The following GRM5 variants were observed in gnomAD, a reference collection of about 807,000 sequenced individuals.
GRM5 encodes metabotropic glutamate receptor 5.
Under a neutral mutation model 83.1 loss-of-function variants are expected in GRM5, and 19 were observed. The ratio of observed to expected loss-of-function variants is 0.23; its 90% CI spans 0.16 to 0.34. The LOEUF (loss-of-function observed/expected upper bound fraction) is 0.34, where lower values mean the gene tolerates loss of function less well. GRM5 is among the 10% of genes least tolerant of loss of function. The pLI is 1.00. For missense variants in GRM5, 1,160 were observed against 1,588.3 expected (o/e 0.73, Z 4.58); for synonymous variants, 675 against 633.6 (o/e 1.07, Z -0.98).
At chr11:88,722,248 TC>T (rs1411826905) in intron 3 of GRM5, among the ~76,000 whole-genome samples, 1 of 152,096 alleles carries the variant, frequency 6.6e-6, no homozygotes, top group African/African-American at 2.4e-5. Context: ...GTTAAACCAC[TC>T]CTCTAAAACT....
At chr11:88,570,756 A>T (rs904387301) in intron 7 of GRM5, among the ~76,000 whole-genome samples, 4 of 150,384 alleles carry the variant, frequency 2.7e-5, no homozygotes, top group African/African-American at 9.8e-5. Flanking sequence ...TTTAGTAGAG[A>T]CGGGATTTCA....
chr11:88,721,822 T>C (rs547460358), intron 3 of GRM5, among the ~76,000 whole-genome samples: 5 of 152,270 alleles, frequency 3.3e-5, no homozygotes, highest in African/African-American at 1.2e-4. Context: ...TCATCAAATA[T>C]GTGAAAAGAA....
chr11:88,786,036 C>G (rs2135468580), intron 3 of GRM5, among the ~76,000 whole-genome samples: 1 of 152,180 alleles, frequency 6.6e-6, no homozygotes, highest in African/African-American at 2.4e-5. Flanking sequence ...ATTTTCTGTT[C>G]TCTGCTTTTA....
intron 1 of GRM5, among the ~76,000 whole-genome samples, chr11:89,063,063 A>G (rs1187486004): frequency 6.6e-6 from 1 of 152,274 alleles, no homozygotes; most frequent in Non-Finnish European, 1.5e-5. Context: ...AGCAGGCGCC[A>G]CGAAGCGGCC....
intron 3 of GRM5, among the ~76,000 whole-genome samples, chr11:88,814,799 G>GA (rs1009359218): frequency 8.6e-5 from 13 of 151,586 alleles, no homozygotes; most frequent in Admixed American, 2.0e-4. Context: ...AACCAATAAT[G>GA]AAAAAAAATA....
chr11:89,061,289 CAAAT>C (rs1203535005), intron 1 of GRM5, among the ~76,000 whole-genome samples: 1 of 152,086 alleles, frequency 6.6e-6, no homozygotes, highest in East Asian at 1.9e-4. Flanking sequence ...AATTGGTATA[CAAAT>C]AAATACAATA....
chr11:88,815,072 A>G (rs557861329), intron 3 of GRM5, among the ~76,000 whole-genome samples: 1 of 152,326 alleles, frequency 6.6e-6, no homozygotes, highest in South Asian at 2.1e-4. Flanking sequence ...CCATCACTCA[A>G]CAAGGGCTAA....
chr11:88,759,927 C>T (rs2135437063), intron 3 of GRM5, among the ~76,000 whole-genome samples: 1 of 152,184 alleles, frequency 6.6e-6, no homozygotes, highest in Non-Finnish European at 1.5e-5. Flanking sequence ...GAAATGCACT[C>T]AAAACCATAC....
intron 3 of GRM5, among the ~76,000 whole-genome samples, chr11:88,714,415 T>A (rs1391876): frequency 0.17 from 25,594 of 151,960 alleles, 2,256 homozygotes; most frequent in Middle Eastern, 0.21. Context: ...TACATCCATC[T>A]TTGGGAAAGC....
In GRM5 at chr11:88,739,608, G is replaced by A. The variant is rs977850558; in HGVS notation, c.912-86205C>T. On this transcript the variant is annotated intron_variant, in intron 3 of 9. Transcript: ENST00000305447. ...AGTGTTTGGATTATGGGGGCGGGTT[G>A]TCCCATGTTGTTCTCGTGATCACGA... 3.3e-5 allele frequency among the ~76,000 whole-genome samples: 5 copies of A among 152,008 alleles called. No homozygotes were observed. The East Asian group carries it at 7.8e-4, about 24-fold the overall frequency.
chr11:88,550,657 G>A (rs1423955730), intron 8 of GRM5, among the ~76,000 whole-genome samples: 1 of 151,086 alleles, frequency 6.6e-6, no homozygotes, highest in Non-Finnish European at 1.5e-5. Flanking sequence ...TGATAAGGGA[G>A]TGGGGGGGAT....
chr11:89,042,461 TA>T (rs1401297583), intron 2 of GRM5, among the ~76,000 whole-genome samples: 1 of 152,174 alleles, frequency 6.6e-6, no homozygotes, highest in Non-Finnish European at 1.5e-5. Flanking sequence ...TCCTTAACCG[TA>T]AAATACAGAA....
At chr11:88,516,940 T>C (rs1213147744) in intron 9 of GRM5, among the ~76,000 whole-genome samples, 4 of 152,090 alleles carry the variant, frequency 2.6e-5, no homozygotes, top group Admixed American at 6.6e-5. Context: ...TAAAAATTAA[T>C]TGGGTAGGTT....
At chr11:88,799,993 C>T (rs575335720) in intron 3 of GRM5, among the ~76,000 whole-genome samples, 1 of 152,014 alleles carries the variant, frequency 6.6e-6, no homozygotes, top group Non-Finnish European at 1.5e-5. Context: ...AAAGAGAAAC[C>T]AACATCATGA....
chr11:88,967,213 G>GTA (rs56696998), intron 2 of GRM5, among the ~76,000 whole-genome samples: 2 of 98,150 alleles, frequency 2.0e-5, no homozygotes, highest in Non-Finnish European at 4.7e-5. Flanking sequence ...GTGTGTGTGT[G>GTA]TATATATGTG....
intron 2 of GRM5, among the ~76,000 whole-genome samples, chr11:88,890,123 A>ATCCCCACG (rs1405950662): frequency 6.6e-6 from 1 of 150,896 alleles, no homozygotes; most frequent in Non-Finnish European, 1.5e-5. Context: ...ACATCCCCAC[A>ATCCCCACG]TCCCCACATC....
intron 2 of GRM5, among the ~76,000 whole-genome samples, chr11:89,002,433 G>T (rs1940410689): frequency 6.6e-6 from 1 of 152,098 alleles, no homozygotes; most frequent in Non-Finnish European, 1.5e-5. Context: ...AAAAATAAGA[G>T]GCTGCCAAAG....
intron 2 of GRM5, among the ~76,000 whole-genome samples, chr11:88,851,389 G>A (rs975960160): frequency 1.1e-4 from 16 of 152,140 alleles, no homozygotes; most frequent in African/African-American, 3.4e-4. Flanking sequence ...AATCTCATCA[G>A]GAGGAGTAGA....
At chr11:88,892,878 C>T (rs770539025) in intron 2 of GRM5, among the ~76,000 whole-genome samples, 4 of 151,886 alleles carry the variant, frequency 2.6e-5, no homozygotes, top group Non-Finnish European at 4.4e-5. Context: ...AGTAGGGTGC[C>T]CATAACCCAG....
Sources: gnomAD v4.1 joint callset for allele counts (sites outside exome capture counted in the v4.1 genomes callset) on GRCh38, gnomAD v4.1.1 for gene constraint, MANE v1.5 for transcripts, NCBI Gene and HGNC (gene_info 2026-07-23, HGNC 2026-07-21) for gene names.